MTHFD2L: variants seen among roughly 807,000 people sequenced by gnomAD.
MTHFD2L encodes the protein methylenetetrahydrofolate dehydrogenase (NADP+ dependent) 2 like.
A neutral mutation model predicts 34.9 loss-of-function variants in MTHFD2L; 29 were observed. The observed-to-expected ratio is 0.83, with a 90% CI of 0.62 to 1.13. The LOEUF (loss-of-function observed/expected upper bound fraction) is 1.13, where lower values mean the gene tolerates loss of function less well. MTHFD2L is among the 50% of genes most tolerant of loss of function. MTHFD2L has a pLI of 0.00. For synonymous variants in MTHFD2L, 167 were observed against 155.7 expected, an observed-to-expected ratio of 1.07 and a Z score of -0.54; for missense variants, 481 against 446.5, an observed-to-expected ratio of 1.08 and a Z score of -0.70.
chr4:74,158,304 G>T, intron 1 of MTHFD2L, 23 bp downstream of exon 1: 1 of 1,257,942 alleles, frequency 7.9e-7, no homozygotes, highest in Non-Finnish European at 1.0e-6. Context: ...CGGGCGCCGG[G>T]TGCGGAGCCG....
intron 2 of MTHFD2L, among the ~76,000 whole-genome samples, chr4:74,117,161 C>T (rs547257831): frequency 9.9e-5 from 15 of 152,272 alleles, no homozygotes; most frequent in African/African-American, 3.6e-4. Flanking sequence ...GGCTTCATAG[C>T]CATGACAACA....
At chr4:74,281,947 C>T (rs1370260758) in intron 7 of MTHFD2L, among the ~76,000 whole-genome samples, 1 of 152,048 alleles carries the variant, frequency 6.6e-6, no homozygotes, top group African/African-American at 2.4e-5. Context: ...CTCTTAGAGC[C>T]AGAAGGCACC....
At chr4:74,182,179 C>A (rs566557416) in intron 3 of MTHFD2L, among the ~76,000 whole-genome samples, 1 of 152,204 alleles carries the variant, frequency 6.6e-6, no homozygotes, top group East Asian at 1.9e-4. Context: ...TAGAATAATT[C>A]CACATAGGGA....
At chr4:74,222,922 G>A (rs1738464470) in intron 5 of MTHFD2L, among the ~76,000 whole-genome samples, 1 of 151,954 alleles carries the variant, frequency 6.6e-6, no homozygotes, top group African/African-American at 2.4e-5. Flanking sequence ...TTATTAAAAA[G>A]TCAAAAAATA....
At chr4:74,238,289 T>C (rs150262322) in intron 6 of MTHFD2L, among the ~76,000 whole-genome samples, 321 of 152,226 alleles carry the variant, frequency 2.1e-3, no homozygotes, top group African/African-American at 7.5e-3. Flanking sequence ...TGTGTATTGG[T>C]ATATATCTGT....
rs370913875 is a variant in MTHFD2L, at chr4:74,192,041, C to T, written c.452-7753C>T. On this transcript the variant is annotated intron_variant, in intron 3 of 7. Transcript: ENST00000325278. The stretch of plus-strand genomic sequence containing the variant: ...ATATTTATTGAGTGCCTCTATGGTC[C>T]AGGCACTATTATTTGTACTGTGGAT... 4.6e-5 allele frequency among the ~76,000 whole-genome samples: 7 copies of T among 151,924 alleles called. No individual in the cohort carries two copies. In the South Asian group the frequency reaches 1.5e-3, roughly 32 times the overall value.
intron 1 of MTHFD2L, among the ~76,000 whole-genome samples, chr4:74,170,013 A>G (rs1727557948): frequency 6.6e-6 from 1 of 152,208 alleles, no homozygotes; most frequent in South Asian, 2.1e-4. Flanking sequence ...AGAAAACCCC[A>G]GAATCAGATA....
intron 1 of MTHFD2L, among the ~76,000 whole-genome samples, chr4:74,130,688 G>A (rs1001801373): frequency 6.6e-6 from 1 of 152,156 alleles, no homozygotes; most frequent in Non-Finnish European, 1.5e-5. Flanking sequence ...AGACAAGGAT[G>A]CCCTCTCTCA....
At chr4:74,281,395 T>C in intron 6 of MTHFD2L, 30 bp from the exon 7 acceptor site, 1 of 1,605,992 alleles carries the variant, frequency 6.2e-7, no homozygotes. Context: ...TTTGTTATGC[T>C]GAAGGACAAA....
At chr4:74,273,141 C>A (rs1020592384) in intron 6 of MTHFD2L, among the ~76,000 whole-genome samples, 3 of 152,126 alleles carry the variant, frequency 2.0e-5, no homozygotes, top group Non-Finnish European at 2.9e-5. Context: ...GATGTCCCTG[C>A]AAATTTTATC....
At chr4:74,175,886 C>T (rs1035772437) in intron 3 of MTHFD2L, among the ~76,000 whole-genome samples, 5 of 151,942 alleles carry the variant, frequency 3.3e-5, no homozygotes, top group Non-Finnish European at 5.9e-5. Flanking sequence ...TGCAAAAGCT[C>T]GTCAAAAGTA....
At chr4:74,171,592 C>T (rs1383478178) in intron 1 of MTHFD2L, among the ~76,000 whole-genome samples, 1 of 152,102 alleles carries the variant, frequency 6.6e-6, no homozygotes, top group Non-Finnish European at 1.5e-5. Context: ...CACTTGCAGC[C>T]AGGAGTTCGA....
At chr4:74,251,933 G>A (rs1256268699) in intron 6 of MTHFD2L, among the ~76,000 whole-genome samples, 3 of 152,174 alleles carry the variant, frequency 2.0e-5, no homozygotes, top group Non-Finnish European at 2.9e-5. Context: ...AAGCAGTGGG[G>A]AACAAATGAG....
intron 1 of MTHFD2L, among the ~76,000 whole-genome samples, chr4:74,152,204 A>G (rs1261304159): frequency 6.6e-6 from 1 of 152,036 alleles, no homozygotes; most frequent in Non-Finnish European, 1.5e-5. Flanking sequence ...GGGTTTGAAT[A>G]TAATAAAAAT....
At chr4:74,218,928 C>T (rs1168090852) in intron 5 of MTHFD2L, among the ~76,000 whole-genome samples, 1 of 151,870 alleles carries the variant, frequency 6.6e-6, no homozygotes, top group Non-Finnish European at 1.5e-5. Flanking sequence ...GGTTCCACAT[C>T]TGTGGATTCA....
chr4:74,265,108 C>T (rs1044207506), intron 6 of MTHFD2L, among the ~76,000 whole-genome samples: 19 of 151,968 alleles, frequency 1.3e-4, no homozygotes, highest in African/African-American at 4.6e-4. Flanking sequence ...GAAATCATGT[C>T]AAAACTCAGT....
At chr4:74,179,999 G>A (rs1323164331) in intron 3 of MTHFD2L, among the ~76,000 whole-genome samples, 3 of 151,992 alleles carry the variant, frequency 2.0e-5, no homozygotes, top group African/African-American at 4.8e-5. Flanking sequence ...AGTCTTTCCA[G>A]ATCATTCAGC....
intron 6 of MTHFD2L, among the ~76,000 whole-genome samples, chr4:74,239,392 A>G (rs1741357022): frequency 6.6e-6 from 1 of 152,052 alleles, no homozygotes; most frequent in Admixed American, 6.6e-5. Flanking sequence ...AATATAAATG[A>G]CAAGTTAATG....
intron 3 of MTHFD2L, among the ~76,000 whole-genome samples, chr4:74,177,274 T>G (rs979909992): frequency 9.2e-5 from 14 of 151,994 alleles, no homozygotes; most frequent in African/African-American, 3.4e-4. Context: ...TAACAGTGTT[T>G]CTCAATTGTT....
Sources: gnomAD v4.1 joint callset for allele counts (sites outside exome capture counted in the v4.1 genomes callset) on GRCh38, gnomAD v4.1.1 for gene constraint, MANE v1.5 for transcripts, NCBI Gene and HGNC (gene_info 2026-07-23, HGNC 2026-07-21) for gene names.